FAM222A: variants seen among roughly 807,000 people sequenced by gnomAD.
The protein encoded by FAM222A is family with sequence similarity 222 member A.
A neutral mutation model predicts 25.8 loss-of-function variants in FAM222A; 7 were observed. The ratio of observed to expected loss-of-function variants is 0.27; its 90% confidence interval spans 0.15 to 0.51. The LOEUF (loss-of-function observed/expected upper bound fraction) is 0.51. Ranked by LOEUF, FAM222A falls within the 20% of genes least tolerant of loss-of-function variation. The pLI is 0.97. For synonymous variants in FAM222A, 294 were observed against 298.8 expected, an observed-to-expected ratio of 0.98 and a Z score of 0.17; for missense variants, 573 against 640.5, an observed-to-expected ratio of 0.89 and a Z score of 1.14.
intron 2 of FAM222A, among the ~76,000 whole-genome samples, chr12:109,749,024 A>G (rs2136354796): frequency 6.6e-6 from 1 of 152,198 alleles, no homozygotes; most frequent in South Asian, 2.1e-4. Flanking sequence ...ATTATTTTCT[A>G]GATATTTTAA....
Position 109,769,434 on chromosome 12 carries a change from G to T in FAM222A, c.*146G>T. ...GGGGAGCCAGGCTGGCTGCCGCCTC[G>T]CTGTGGCCGGATGGAGGGTGGCAGG... On this transcript the variant is annotated 3_prime_UTR_variant, in exon 3 of 3. Transcript: ENST00000538780. The T allele has an allele frequency of 9.6e-7, 1 of 1,043,090 alleles. No individual in the cohort carries two copies. Among genetic ancestry groups the T allele is most frequent in the Non-Finnish European group, 1.3e-6 (1 of 740,994 alleles). 64.6% of individuals were successfully genotyped at this position (1,043,090 alleles called of 1,614,324 possible). A position where few individuals can be genotyped will look rare whatever the true frequency, so the allele number is the denominator to read the frequency against.
At chr12:109,765,388 G>A (rs893889808) in intron 2 of FAM222A, among the ~76,000 whole-genome samples, 6 of 152,100 alleles carry the variant, frequency 3.9e-5, no homozygotes, top group African/African-American at 7.2e-5. Context: ...TTCCTGCAGC[G>A]AAGAGGCCCT....
intron 1 of FAM222A, among the ~76,000 whole-genome samples, chr12:109,730,410 G>C (rs1232296963): frequency 1.3e-5 from 2 of 151,648 alleles, no homozygotes; most frequent in African/African-American, 2.4e-5. Context: ...GGGGGGCGGG[G>C]GGGGGGGTTC....
chr12:109,718,506 G>A (rs1887688311), intron 1 of FAM222A, among the ~76,000 whole-genome samples: 3 of 152,186 alleles, frequency 2.0e-5, no homozygotes, highest in South Asian at 4.1e-4. Context: ...CGGGGCGGGG[G>A]TGAGAACGAG....
chr12:109,740,228 A>G (rs1322701793), intron 1 of FAM222A, among the ~76,000 whole-genome samples: 1 of 152,116 alleles, frequency 6.6e-6, no homozygotes, highest in African/African-American at 2.4e-5. Flanking sequence ...CAGCTATGAA[A>G]GGACACATCG....
intron 2 of FAM222A, among the ~76,000 whole-genome samples, chr12:109,750,558 C>G (rs1163511546): frequency 6.6e-6 from 1 of 152,120 alleles, no homozygotes. Context: ...TTAGTGTATT[C>G]TCAGGGCTTA....
chr12:109,757,050 A>G (rs1019005683), intron 2 of FAM222A, among the ~76,000 whole-genome samples: 1 of 152,154 alleles, frequency 6.6e-6, no homozygotes. Flanking sequence ...CAATTTCTCA[A>G]GTTAGTCTTG....
chr12:109,740,407 C>T (rs909567720), intron 1 of FAM222A, among the ~76,000 whole-genome samples: 1 of 152,106 alleles, frequency 6.6e-6, no homozygotes, highest in African/African-American at 2.4e-5. Context: ...CACAAAAGAC[C>T]TTGAGCTTAT....
chr12:109,733,564 T>C (rs1181558401), intron 1 of FAM222A, among the ~76,000 whole-genome samples: 2 of 152,044 alleles, frequency 1.3e-5, no homozygotes, highest in Admixed American at 1.3e-4. Context: ...CCACCACGCC[T>C]GGCTAATTTT....
At chr12:109,739,389 T>C (rs186466210) in intron 1 of FAM222A, among the ~76,000 whole-genome samples, 213 of 152,326 alleles carry the variant, frequency 1.4e-3, no homozygotes, top group African/African-American at 5.0e-3. Context: ...TTTGAGTCAT[T>C]TCCGTCCTCC....
chr12:109,765,358 C>T (rs773675595), intron 2 of FAM222A, among the ~76,000 whole-genome samples: 4 of 152,218 alleles, frequency 2.6e-5, no homozygotes, highest in Non-Finnish European at 5.9e-5. Flanking sequence ...GCCAGAGTGC[C>T]CCGTGCAGTG....
chr12:109,717,057 A>G (rs1435432079), intron 1 of FAM222A, among the ~76,000 whole-genome samples: 1 of 151,960 alleles, frequency 6.6e-6, no homozygotes, highest in African/African-American at 2.4e-5. Context: ...ACCTCCTCCC[A>G]TGGGGTTTGG....
rs774213903 is a variant in FAM222A at position 109,769,276 on chromosome 12, C to T, written c.1347C>T (p.Pro449=). ...ACCAGCATGCCCACATCCGCCTACCCGTCTACAGATAAGGCCTGCCCTGCG... is the reference window on the plus strand; with the variant it reads ...ACCAGCATGCCCACATCCGCCTACCTGTCTACAGATAAGGCCTGCCCTGCG... ...LDHQHAHIRL[P]VYR Residue 449 remains proline (P), a synonymous_variant, in exon 3 of 3, where the codon CCC becomes CCT. Transcript: ENST00000538780. The T allele has an allele frequency of 1.4e-5, 23 of 1,609,552 alleles. No individual in the cohort carries two copies. The highest frequency in any genetic ancestry group is 6.7e-5 in the African/African-American group (5 of 74,798).
At chr12:109,716,361 G>A (rs1887645756) in intron 1 of FAM222A, among the ~76,000 whole-genome samples, 1 of 152,198 alleles carries the variant, frequency 6.6e-6, no homozygotes, top group Non-Finnish European at 1.5e-5. Context: ...GCGTGGGGCG[G>A]GGTAAGAGCA....
chr12:109,720,048 T>C (rs1241307281), intron 1 of FAM222A: 1 of 967,768 alleles, frequency 1.0e-6, no homozygotes, highest in Non-Finnish European at 1.2e-6. Flanking sequence ...GGCTTGTGGG[T>C]GGGGTGAGCT....
intron 1 of FAM222A, among the ~76,000 whole-genome samples, chr12:109,733,496 C>T (rs1193268806): frequency 1.3e-5 from 2 of 152,014 alleles, no homozygotes; most frequent in Non-Finnish European, 2.9e-5. Flanking sequence ...CTCCGCCTCC[C>T]GGGTTCACGC....
chr12:109,749,781 C>A (rs1888509208), intron 2 of FAM222A, among the ~76,000 whole-genome samples: 5 of 152,158 alleles, frequency 3.3e-5, no homozygotes, highest in African/African-American at 7.2e-5. Context: ...TATTAATAAT[C>A]TTAAATCTTC....
At chr12:109,720,772 C>T (rs766695435) in intron 1 of FAM222A, among the ~76,000 whole-genome samples, 1 of 152,212 alleles carries the variant, frequency 6.6e-6, no homozygotes, top group East Asian at 1.9e-4. Flanking sequence ...GGAGAGGCCT[C>T]GAGTGCACCC....
Position 109,770,068 on chromosome 12 carries a change from C to T in FAM222A, c.*780C>T, listed in dbSNP as rs1021227698. Reference sequence around the variant, plus strand: ...AAACTTGTATATTTATTACAATTTTCTGCATCTTGAGGAAGGGGCGTCATT... The same window carrying T: ...AAACTTGTATATTTATTACAATTTTTTGCATCTTGAGGAAGGGGCGTCATT... On this transcript the variant is annotated 3_prime_UTR_variant, in exon 3 of 3. Transcript: ENST00000538780. The T allele has an allele frequency of 1.3e-5, 2 of 152,268 alleles. No homozygotes were observed. The highest frequency in any genetic ancestry group is 4.8e-5 in the African/African-American group (2 of 41,468). The allele number at this position is 152,268 out of a possible 1,614,324, so 9.4% of individuals were successfully genotyped here.
Sources: allele counts gnomAD v4.1 joint callset (sites outside exome capture counted in the v4.1 genomes callset), GRCh38; gene constraint gnomAD v4.1.1; transcripts MANE v1.5; gene names NCBI Gene and HGNC (gene_info 2026-07-23, HGNC 2026-07-21).